Variants in LZTS1 observed in about 807,000 individuals in gnomAD.
The protein encoded by LZTS1 is leucine zipper tumor suppressor 1, also known as leucine zipper putative tumor suppressor 1.
A neutral mutation model predicts 45.8 loss-of-function variants in LZTS1; 31 were observed. That is an observed-to-expected ratio of 0.68 (90% CI 0.51 to 0.91). The LOEUF is 0.91. LZTS1 is among the 40% of genes least tolerant of loss of function. The pLI, the probability that LZTS1 is intolerant of heterozygous loss-of-function variation, is 0.00. For missense variants in LZTS1, 821 were observed against 788.9 expected, an observed-to-expected ratio of 1.04 and a Z score of -0.49; for synonymous variants, 359 against 357.3, an observed-to-expected ratio of 1.00 and a Z score of -0.05.
At chr8:20,286,094 G>C (rs1800786995) in intron 1 of LZTS1, among the ~76,000 whole-genome samples, 1 of 152,106 alleles carries the variant, frequency 6.6e-6, no homozygotes, top group Non-Finnish European at 1.5e-5. Flanking sequence ...CCTTTGGATA[G>C]GCAAAAATTT....
chr8:20,276,245 A>T (rs892076329), intron 1 of LZTS1, among the ~76,000 whole-genome samples: 7 of 145,736 alleles, frequency 4.8e-5, no homozygotes, highest in African/African-American at 7.6e-5. Flanking sequence ...CTCCAGAGTG[A>T]TTTTTTTTTT....
At chr8:20,257,704 C>G (rs939011808) in intron 1 of LZTS1, among the ~76,000 whole-genome samples, 2 of 141,992 alleles carry the variant, frequency 1.4e-5, no homozygotes, top group Non-Finnish European at 3.0e-5. Flanking sequence ...GAGTCTCACT[C>G]TGTTGCCCAG....
At position 20,253,145 on chromosome 8, in the gene LZTS1, G is replaced by A. The variant is rs554505162; in HGVS notation, c.786C>T (p.Ser262=). The change falls in exon 3 of 4, where the codon AGC becomes AGT. Residue 262 remains serine, a synonymous_variant. Coordinates refer to ENST00000381569, the MANE Select transcript of LZTS1 (RefSeq NM_021020.5). ...ACAGCTTCTGCTCCAGCTCCTGGATGCTGCACTCGTCCGTGGAGATGGGGG... is the reference window on the plus strand; with the variant it reads ...ACAGCTTCTGCTCCAGCTCCTGGATACTGCACTCGTCCGTGGAGATGGGGG... ...VRSPISTDEC[S]IQELEQKLLE... is the part of the protein sequence containing the mutation. The A allele has an allele frequency of 1.9e-6, 3 of 1,613,150 alleles. No individual in the cohort carries two copies. Among genetic ancestry groups the A allele is most frequent in the Admixed American group, 1.7e-5 (1 of 60,034 alleles).
intron 1 of LZTS1, among the ~76,000 whole-genome samples, chr8:20,282,317 G>A (rs1190461750): frequency 1.3e-5 from 2 of 152,342 alleles, no homozygotes; most frequent in Admixed American, 6.5e-5. Context: ...CTGAGCAGCT[G>A]CTCTCTGAGC....
In LZTS1 at chr8:20,249,498, CCAGAGGAGT is replaced by C; in HGVS notation, c.*215_*223del. 1 of 590,290 alleles carries C rather than the reference CCAGAGGAGT, an allele frequency of 1.7e-6. No individual in the cohort carries two copies. The highest frequency in any genetic ancestry group is 3.0e-6 in the Non-Finnish European group (1 of 337,152). The allele number at this position is 590,290 out of a possible 1,614,324, so 36.6% of individuals were successfully genotyped here. On this transcript the variant is annotated 3_prime_UTR_variant, in exon 4 of 4. Coordinates refer to ENST00000381569, the MANE Select transcript of LZTS1 (RefSeq NM_021020.5). ...CCCCTGGACCCATCTCCTGGGAAAG[CCAGAGGAGT>C]CAGGGCCTGACGTCTGGTGGGCTGC... is the stretch of plus-strand genomic sequence containing the variant.
chr8:20,256,840 G>A (rs1431396885), intron 1 of LZTS1, among the ~76,000 whole-genome samples: 1 of 152,172 alleles, frequency 6.6e-6, no homozygotes, highest in Non-Finnish European at 1.5e-5. Flanking sequence ...GCACTTGTCA[G>A]AGCTGGGAGT....
Position 20,303,756 on chromosome 8 carries a change from G to T in LZTS1, c.-151C>A, listed in dbSNP as rs1299784362. The T allele has an allele frequency of 1.0e-6, 1 of 985,202 alleles. No homozygotes were observed. The allele number at this position is 985,202 out of a possible 1,614,324, so 61.0% of individuals were successfully genotyped here. On this transcript the variant is annotated 5_prime_UTR_variant, in exon 1 of 4. Coordinates refer to ENST00000381569, the MANE Select transcript of LZTS1 (RefSeq NM_021020.5). Reference sequence around the variant, plus strand: ...GCACCTTACCTGCCCCCTGCGCCTCGGGCGCACTTGAGACTTTTTTTTTTT... The same window carrying T: ...GCACCTTACCTGCCCCCTGCGCCTCTGGCGCACTTGAGACTTTTTTTTTTT...
chr8:20,282,142 C>T (rs548828201), intron 1 of LZTS1, among the ~76,000 whole-genome samples: 1 of 152,290 alleles, frequency 6.6e-6, no homozygotes, highest in African/African-American at 2.4e-5. Flanking sequence ...GGTCCACAGT[C>T]CTTTGACAGC....
At chr8:20,259,178 C>T (rs563319447) in intron 1 of LZTS1, among the ~76,000 whole-genome samples, 10 of 152,188 alleles carry the variant, frequency 6.6e-5, no homozygotes, top group African/African-American at 2.4e-4. Context: ...GCTGTGGCAT[C>T]GGCAGGAGTT....
chr8:20,275,128 G>A (rs139528018), intron 1 of LZTS1, among the ~76,000 whole-genome samples: 2,204 of 152,246 alleles, frequency 0.014, 26 homozygotes, highest in South Asian at 0.032. Context: ...ATGGTTGGGC[G>A]CCATGGCTCA....
intron 1 of LZTS1, among the ~76,000 whole-genome samples, chr8:20,278,901 C>T (rs750332164): frequency 1.3e-5 from 2 of 152,336 alleles, no homozygotes; most frequent in Non-Finnish European, 2.9e-5. Flanking sequence ...GATCTGTACT[C>T]ACTCCCTGCA....
At position 20,290,716 on chromosome 8, in the gene LZTS1, G is replaced by A. The variant is rs192797707; in HGVS notation, c.-135+13024C>T. ...AACCCCCATAAACTGAACTAAGAGAGAAGTTTCATTTTATTTGTTTTTCTT... is the reference window on the plus strand; with the variant it reads ...AACCCCCATAAACTGAACTAAGAGAAAAGTTTCATTTTATTTGTTTTTCTT... On this transcript the variant is annotated intron_variant, in intron 1 of 3. Coordinates refer to ENST00000381569, the MANE Select transcript of LZTS1 (RefSeq NM_021020.5). Among the ~76,000 whole-genome samples, 482 of 152,354 alleles carry A rather than the reference G, an allele frequency of 3.2e-3. 1 individual carries two copies. The highest frequency in any genetic ancestry group is 5.0e-3 in the Non-Finnish European group (337 of 68,042).
At position 20,261,810 on chromosome 8, in the gene LZTS1, A is replaced by T. The variant is rs115336335; in HGVS notation, c.-134-6495T>A. Among the ~76,000 whole-genome samples, 85 of 152,206 alleles carry T rather than the reference A, an allele frequency of 5.6e-4. 1 individual carries two copies. The highest frequency in any genetic ancestry group is 2.0e-3 in the African/African-American group (82 of 41,540). On this transcript the variant is annotated intron_variant, in intron 1 of 3. Coordinates refer to ENST00000381569, the MANE Select transcript of LZTS1 (RefSeq NM_021020.5). ...GGGAAAGGAAGTGGAGGATTCACAC[A>T]CGCCCTCCTCCTCCTCTGCCGCCAT...
intron 1 of LZTS1, among the ~76,000 whole-genome samples, chr8:20,292,368 T>G (rs1277848373): frequency 1.3e-5 from 2 of 152,226 alleles, no homozygotes; most frequent in African/African-American, 4.8e-5. Flanking sequence ...CCCTGCTGAC[T>G]GGCACCCAGC....
chr8:20,262,832 T>A (rs2128894608), intron 1 of LZTS1, among the ~76,000 whole-genome samples: 1 of 152,254 alleles, frequency 6.6e-6, no homozygotes, highest in East Asian at 1.9e-4. Context: ...TGTCAACGGT[T>A]CTGTGGTTAA....
At chr8:20,282,125 C>T (rs1005323532) in intron 1 of LZTS1, among the ~76,000 whole-genome samples, 2 of 152,208 alleles carry the variant, frequency 1.3e-5, no homozygotes, top group Non-Finnish European at 2.9e-5. Context: ...TTTCTAGTCA[C>T]CACGAGGGTC....
intron 1 of LZTS1, chr8:20,289,168 T>A (rs1267309852): frequency 6.6e-6 from 1 of 152,134 alleles, no homozygotes; most frequent in South Asian, 2.1e-4. Flanking sequence ...GAGATTAGAT[T>A]TAGGAAAACA....
intron 1 of LZTS1, among the ~76,000 whole-genome samples, chr8:20,293,658 C>A (rs1800937043): frequency 6.6e-6 from 1 of 152,180 alleles, no homozygotes; most frequent in Non-Finnish European, 1.5e-5. Flanking sequence ...AGAGATGGAG[C>A]ACAGTAGCTC....
At chr8:20,250,989 C>T (rs1799881408) in intron 3 of LZTS1, among the ~76,000 whole-genome samples, 1 of 150,992 alleles carries the variant, frequency 6.6e-6, no homozygotes, top group South Asian at 2.1e-4. Context: ...CTATTCCTTA[C>T]AACCCGATGA....
Sources: allele counts gnomAD v4.1 joint callset (sites outside exome capture counted in the v4.1 genomes callset), GRCh38; gene constraint gnomAD v4.1.1; transcripts MANE v1.5; gene names NCBI Gene and HGNC (gene_info 2026-07-23, HGNC 2026-07-21).